The following KCND2 variants were observed in gnomAD, a reference collection of about 807,000 sequenced individuals.
The protein encoded by KCND2 is potassium voltage-gated channel subfamily D member 2.
A neutral mutation model predicts 54.4 loss-of-function variants in KCND2; 16 were observed. The observed-to-expected ratio is 0.29, with a 90% CI of 0.20 to 0.45. KCND2 has a LOEUF of 0.45. Among genes scored for constraint, KCND2 ranks in the 20% least tolerant of loss-of-function variants. The pLI, the probability that KCND2 is intolerant of heterozygous loss-of-function variation, is 1.00. For missense variants in KCND2, 486 were observed against 824.2 expected (o/e 0.59, Z 5.02); for synonymous variants, 317 against 310.7 (o/e 1.02, Z -0.21).
intron 1 of KCND2, among the ~76,000 whole-genome samples, chr7:120,334,240 T>A (rs894232121): frequency 3.3e-5 from 5 of 152,138 alleles, no homozygotes; most frequent in African/African-American, 1.2e-4. Flanking sequence ...AACTATCAAA[T>A]AGAAGTGTTG....
rs1213693076 is a variant in KCND2, at chr7:120,576,944, C to G, written c.1116-155959C>G. Among the ~76,000 whole-genome samples, 3 of 152,114 alleles carry G rather than the reference C, an allele frequency of 2.0e-5. No homozygotes were observed. In the South Asian group the frequency reaches 6.2e-4, roughly 32 times the overall value. On this transcript the variant is annotated intron_variant, in intron 1 of 5. Coordinates refer to ENST00000331113, the MANE Select transcript of KCND2 (RefSeq NM_012281.3). ...GGCTGATTGCCTGAGCTCAGGAGTT[C>G]AAGATCAGCCTGGGCAACACAGTGA...
chr7:120,610,860 A>G (rs1296259649), intron 1 of KCND2, among the ~76,000 whole-genome samples: 1 of 152,192 alleles, frequency 6.6e-6, no homozygotes, highest in East Asian at 1.9e-4. Context: ...TTGGTAATGC[A>G]GATAAATGTG....
chr7:120,747,925 A>T lies in KCND2; in HGVS notation c.*67A>T, dbSNP rs550055738. The stretch of plus-strand genomic sequence containing the variant: ...TGAAAAGAATCTCAACATAGAAGAA[A>T]GAAGAAACAATAAATATTCTGCAGA... On this transcript the variant is annotated 3_prime_UTR_variant, in exon 6 of 6. Transcript: ENST00000331113. 1.6e-6 allele frequency: 2 copies of T among 1,228,906 alleles called. No individual in the cohort carries two copies. Among genetic ancestry groups the T allele is most frequent in the Non-Finnish European group, 2.4e-6 (2 of 848,490 alleles). 76.1% of individuals were successfully genotyped at this position (1,228,906 alleles called of 1,614,324 possible). A position where few individuals can be genotyped will look rare whatever the true frequency, so the allele number is the denominator to read the frequency against.
intron 1 of KCND2, among the ~76,000 whole-genome samples, chr7:120,568,900 A>T (rs1527657): frequency 0.83 from 125,726 of 151,908 alleles, 52,549 homozygotes; most frequent in Middle Eastern, 0.93. Flanking sequence ...TCTTTTTTTT[A>T]ATTTTGTTTC....
intron 1 of KCND2, among the ~76,000 whole-genome samples, chr7:120,292,517 A>G (rs904055126): frequency 6.6e-6 from 1 of 151,858 alleles, no homozygotes; most frequent in African/African-American, 2.4e-5. Context: ...CCTTGGAGAA[A>G]ACTTTTCCCT....
intron 1 of KCND2, among the ~76,000 whole-genome samples, chr7:120,298,140 A>T (rs1350966437): frequency 6.6e-6 from 1 of 152,176 alleles, no homozygotes; most frequent in Non-Finnish European, 1.5e-5. Flanking sequence ...TAACAGAGTG[A>T]CTAGTTAAGT....
intron 1 of KCND2, among the ~76,000 whole-genome samples, chr7:120,384,209 T>C (rs964397161): frequency 1.3e-4 from 19 of 151,522 alleles, no homozygotes; most frequent in Middle Eastern, 3.4e-3. Context: ...ATTGTTTTTT[T>C]CCCCCCCAAA....
chr7:120,310,087 C>T (rs987030661), intron 1 of KCND2, among the ~76,000 whole-genome samples: 2 of 152,196 alleles, frequency 1.3e-5, no homozygotes, highest in Non-Finnish European at 2.9e-5. Flanking sequence ...ACACCTCAGA[C>T]ATGTCCCTAT....
At chr7:120,288,073 CT>C (rs1416595774) in intron 1 of KCND2, among the ~76,000 whole-genome samples, 2 of 152,068 alleles carry the variant, frequency 1.3e-5, no homozygotes, top group East Asian at 3.9e-4. Context: ...CAGTTGCTTC[CT>C]TTTGGGAATT....
chr7:120,590,084 C>T (rs1396649473), intron 1 of KCND2, among the ~76,000 whole-genome samples: 1 of 152,122 alleles, frequency 6.6e-6, no homozygotes, highest in Admixed American at 6.5e-5. Context: ...GCGGCGAACT[C>T]GATCTCGGCT....
intron 1 of KCND2, among the ~76,000 whole-genome samples, chr7:120,517,574 T>C (rs1029718995): frequency 1.3e-5 from 2 of 152,118 alleles, no homozygotes; most frequent in Non-Finnish European, 2.9e-5. Flanking sequence ...GATCTGAACC[T>C]CTCAGTGTAC....
intron 1 of KCND2, among the ~76,000 whole-genome samples, chr7:120,570,581 TTC>T (rs1181627797): frequency 6.6e-6 from 1 of 152,198 alleles, no homozygotes; most frequent in Non-Finnish European, 1.5e-5. Flanking sequence ...TTTTGCATTT[TTC>T]TGTTTCTCTC....
chr7:120,552,305 T>C (rs988520520), intron 1 of KCND2, among the ~76,000 whole-genome samples: 1 of 152,184 alleles, frequency 6.6e-6, no homozygotes, highest in Non-Finnish European at 1.5e-5. Flanking sequence ...GATTTCTAAA[T>C]TTCACACATT....
At chr7:120,619,240 G>A (rs544948445) in intron 1 of KCND2, among the ~76,000 whole-genome samples, 1 of 152,066 alleles carries the variant, frequency 6.6e-6, no homozygotes, top group Non-Finnish European at 1.5e-5. Context: ...TACCAGCCTG[G>A]GAAACATGGC....
intron 1 of KCND2, among the ~76,000 whole-genome samples, chr7:120,410,707 C>T (rs1801437475): frequency 1.5e-5 from 2 of 131,430 alleles, no homozygotes; most frequent in South Asian, 5.8e-4. Context: ...TCCCCCTACC[C>T]CACAACAGGC....
In KCND2 at chr7:120,616,628, T is replaced by C. The variant is rs187834096; in HGVS notation, c.1116-116275T>C. On this transcript the variant is annotated intron_variant, in intron 1 of 5. Transcript: ENST00000331113. ...AAGCTTCTTACTTTGTAGGGACCAA[T>C]AATATTTTCAATAAAAGAGTATACA... Among the ~76,000 whole-genome samples, 5 of 152,274 alleles carry C rather than the reference T, an allele frequency of 3.3e-5. No homozygotes were observed. In the East Asian group the frequency reaches 9.6e-4, roughly 29 times the overall value.
At chr7:120,414,708 C>T (rs146630355) in intron 1 of KCND2, among the ~76,000 whole-genome samples, 235 of 152,276 alleles carry the variant, frequency 1.5e-3, no homozygotes, top group African/African-American at 5.4e-3. Context: ...ATCATTCTTT[C>T]ATTTTGTTGT....
chr7:120,498,206 G>A (rs1273224724), intron 1 of KCND2, among the ~76,000 whole-genome samples: 1 of 152,124 alleles, frequency 6.6e-6, no homozygotes, highest in Admixed American at 6.5e-5. Flanking sequence ...TAAGGCCAGG[G>A]GCAGTGGCTA....
chr7:120,622,715 T>TCTCA (rs1176636263), intron 1 of KCND2, among the ~76,000 whole-genome samples: 28 of 127,264 alleles, frequency 2.2e-4, no homozygotes, highest in South Asian at 4.7e-4. Context: ...TCTCTCTCTC[T>TCTCA]CACACACACA....
Sources: allele counts gnomAD v4.1 joint callset (sites outside exome capture counted in the v4.1 genomes callset), GRCh38; gene constraint gnomAD v4.1.1; transcripts MANE v1.5; gene names NCBI Gene and HGNC (gene_info 2026-07-23, HGNC 2026-07-21).